The following KANK1 variants were observed in gnomAD, a reference collection of about 807,000 sequenced individuals.
KANK1 encodes the protein KN motif and ankyrin repeat domain-containing protein 1.
KANK1 carries 109 observed loss-of-function variants against 106.2 expected under a neutral mutation model. The observed-to-expected ratio is 1.03, with a 90% CI of 0.88 to 1.20. KANK1 has a LOEUF of 1.20. Among genes scored for constraint, KANK1 ranks in the 50% most tolerant of loss-of-function variants. The probability of loss-of-function intolerance (pLI) is 0.00; values close to 1 mark genes in which losing one functional copy is unlikely to be tolerated. For synonymous variants in KANK1, 873 were observed against 652.2 expected, an observed-to-expected ratio of 1.34 and a Z score of -5.16; for missense variants, 2,399 against 1,710.7, an observed-to-expected ratio of 1.40 and a Z score of -7.10.
chr9:504,822 C>G (rs1207823425), intron 1 of KANK1, 68 bp downstream of exon 1: 1 of 116,602 alleles, frequency 8.6e-6, no homozygotes, highest in Non-Finnish European at 1.8e-5. Flanking sequence ...CGCGAGGCCC[C>G]TACCCCTGCC....
At chr9:613,974 C>G (rs370469155) in intron 1 of KANK1, among the ~76,000 whole-genome samples, 1 of 152,266 alleles carries the variant, frequency 6.6e-6, no homozygotes, top group East Asian at 1.9e-4. Flanking sequence ...CTCCTCCCCT[C>G]TTATTTGAGG....
chr9:731,100 G>C, intron 4 of KANK1, 58 bp from the exon 5 acceptor site: 8 of 907,262 alleles, frequency 8.8e-6, no homozygotes, highest in South Asian at 1.6e-5. Flanking sequence ...CAGGAAAAAA[G>C]ATCATTTAAC....
At position 714,853 on chromosome 9, in the gene KANK1, A is replaced by G. The variant is rs368970584; in HGVS notation, c.2698+1389A>G. Among the ~76,000 whole-genome samples, 56 of 152,258 alleles carry G rather than the reference A, an allele frequency of 3.7e-4. 1 individual carries two copies. In the South Asian group the frequency reaches 0.011, roughly 29 times the overall value. ...TGTGCACTGCCTCTCACAGTGTATA[A>G]CATCATCCTCAGCTTAGGACCACAC... is the stretch of plus-strand genomic sequence containing the variant. On this transcript the variant is annotated intron_variant, in intron 3 of 11. Transcript: ENST00000382297.
At position 608,028 on chromosome 9, in the gene KANK1, A is replaced by ATTTTT. The variant is rs1326986665; in HGVS notation, c.-83-68860_-83-68859insTTTTT. 4.0e-3 allele frequency among the ~76,000 whole-genome samples: 336 copies of ATTTTT among 84,254 alleles called. 7 individuals are homozygous for ATTTTT. Among genetic ancestry groups the ATTTTT allele is most frequent in the African/African-American group, 0.011 (242 of 21,406 alleles). The allele number at this position is 84,254 out of a possible 152,430, so 55.3% of individuals were successfully genotyped here. ...AACTTTCAGAATTATTATTATTATT[A>ATTTTT]TTATTATTTTTTTTTTTTTTGAGAC... On this transcript the variant is annotated intron_variant, in intron 1 of 11. Coordinates refer to ENST00000382297, the MANE Select transcript of KANK1 (RefSeq NM_015158.5).
chr9:676,839 T>G, intron 1 of KANK1, 51 bp from the exon 2 acceptor site: 1 of 695,922 alleles, frequency 1.4e-6, no homozygotes, highest in Non-Finnish European at 2.6e-6. Flanking sequence ...AGATTTAGTT[T>G]GTACATTTTT....
At position 711,119 on chromosome 9, in the gene KANK1, T is replaced by A; in HGVS notation, c.353T>A (p.Ile118Asn). The change falls in exon 3 of 12, where the codon ATC becomes AAC. Residue 118 changes from isoleucine (I) to asparagine (N), a missense_variant. Physicochemically the swap from Ile to Asn is moderately radical, Grantham distance 149. Coordinates refer to ENST00000382297, the MANE Select transcript of KANK1 (RefSeq NM_015158.5). ...AGAAGTCAAGTTACATCAACTCCAATCTCAAAGCCACCTCCCCCTCTGGAG... is the reference window on the plus strand; with the variant it reads ...AGAAGTCAAGTTACATCAACTCCAAACTCAAAGCCACCTCCCCCTCTGGAG... ...IARSQVTSTPISKPPPPLETS... is the reference protein window; with the variant it reads ...IARSQVTSTPNSKPPPPLETS... 1.2e-6 allele frequency: 2 copies of A among 1,614,036 alleles called. No homozygotes were observed. Among genetic ancestry groups the A allele is most frequent in the Non-Finnish European group, 1.7e-6 (2 of 1,180,024 alleles).
At chr9:643,569 G>A (rs953825844) in intron 1 of KANK1, among the ~76,000 whole-genome samples, 1 of 112,614 alleles carries the variant, frequency 8.9e-6, no homozygotes, top group Non-Finnish European at 1.7e-5. Context: ...TTTTTTGGTA[G>A]TGATAGGGTC....
upstream of KANK1, among the ~76,000 whole-genome samples, chr9:500,566 C>G (rs1307331641): frequency 6.6e-6 from 1 of 152,132 alleles, no homozygotes; most frequent in African/African-American, 2.4e-5. Context: ...CAGAAAACAA[C>G]AAGTGAAACT....
intron 2 of KANK1, among the ~76,000 whole-genome samples, chr9:682,862 C>G (rs979543490): frequency 1.3e-5 from 2 of 152,194 alleles, no homozygotes; most frequent in African/African-American, 4.8e-5. Context: ...CCAGACAGAG[C>G]CAGGCTCATG....
chr9:637,246 A>G lies in KANK1; in HGVS notation c.-83-39644A>G, dbSNP rs146506798. Among the ~76,000 whole-genome samples the G allele has an allele frequency of 1.9e-3, 288 of 152,270 alleles. 1 individual carries two copies. The highest frequency in any genetic ancestry group is 2.9e-3 in the Non-Finnish European group (197 of 68,036). On this transcript the variant is annotated intron_variant, in intron 1 of 11. Transcript: ENST00000382297. ...ACACTACCAAGTAGTCTCATTATCTATTCACAATAATGATGTGAAAGCTTT... is the reference window on the plus strand; with the variant it reads ...ACACTACCAAGTAGTCTCATTATCTGTTCACAATAATGATGTGAAAGCTTT...
chr9:622,642 G>A lies in KANK1; in HGVS notation c.-83-54248G>A, dbSNP rs140918831. 5.9e-5 allele frequency among the ~76,000 whole-genome samples: 9 copies of A among 152,298 alleles called. 1 individual carries two copies. In the East Asian group the frequency reaches 1.5e-3, roughly 26 times the overall value. On this transcript the variant is annotated intron_variant, in intron 1 of 11. Transcript: ENST00000382297. Reference sequence around the variant, plus strand: ...TAAGAGGCCGGGTGCAGTGGCTCATGCCTGTAATCCCAGCACTTTGGGAGG... The same window carrying A: ...TAAGAGGCCGGGTGCAGTGGCTCATACCTGTAATCCCAGCACTTTGGGAGG...
chr9:501,235 C>G (rs1211376169), upstream of KANK1, among the ~76,000 whole-genome samples: 1 of 152,170 alleles, frequency 6.6e-6, no homozygotes, highest in Admixed American at 6.5e-5. Flanking sequence ...CTTTAAAACT[C>G]TTAAAAGTTC....
chr9:711,879 A>G lies in KANK1; in HGVS notation c.1113A>G (p.Thr371=), dbSNP rs1317662576. 6.2e-7 allele frequency: 1 copy of G among 1,614,102 alleles called. No individual in the cohort carries two copies. Among genetic ancestry groups the G allele is most frequent in the African/African-American group, 1.3e-5 (1 of 74,930 alleles). ...GGATAAAGGAGTTCCGGCAACTTAC[A>G]GCAGACATGCAAGCCCTGGAGCAGA... is the stretch of plus-strand genomic sequence containing the variant. ...TQRIKEFRQL[T]ADMQALEQKI... The change falls in exon 3 of 12, where the codon ACA becomes ACG. Residue 371 remains threonine (T), a synonymous_variant. Transcript: ENST00000382297.
At chr9:565,113 C>G (rs972848668) in intron 1 of KANK1, among the ~76,000 whole-genome samples, 1 of 152,192 alleles carries the variant, frequency 6.6e-6, no homozygotes, top group Non-Finnish European at 1.5e-5. Flanking sequence ...CTTTGCAAAT[C>G]CATACCTATA....
Position 491,920 on chromosome 9 carries a change from C to G in KANK1, c.-362+18647C>G, listed in dbSNP as rs115791806. Among the ~76,000 whole-genome samples, 993 of 152,336 alleles carry G rather than the reference C, an allele frequency of 6.5e-3. 14 individuals carry two copies. Among genetic ancestry groups the G allele is most frequent in the African/African-American group, 0.023 (938 of 41,572 alleles). On this transcript the variant is annotated intron_variant, in intron 3 of 15. Coordinates refer to the KANK1 transcript ENST00000382303. ...AAGCCCTCTCTTTGCCTGGTGCCAT[C>G]CAAGTAAGACGTGAGTTACTTCTCC... is the stretch of plus-strand genomic sequence containing the variant.
chr9:651,486 T>A (rs1840868273), intron 1 of KANK1, among the ~76,000 whole-genome samples: 1 of 152,204 alleles, frequency 6.6e-6, no homozygotes, highest in African/African-American at 2.4e-5. Flanking sequence ...AGCATCTGCA[T>A]GTGTTGGGTG....
At chr9:616,838 C>A (rs554128772) in intron 1 of KANK1, among the ~76,000 whole-genome samples, 6 of 152,302 alleles carry the variant, frequency 3.9e-5, no homozygotes, top group African/African-American at 1.2e-4. Context: ...AGGCAAAGTT[C>A]CACACTAGCC....
Position 711,591 on chromosome 9 carries a change from G to A in KANK1, c.825G>A (p.Lys275=), listed in dbSNP as rs1330986190. The change falls in exon 3 of 12, where the codon AAG becomes AAA. Residue 275 remains lysine (K), a synonymous_variant. Coordinates refer to ENST00000382297, the MANE Select transcript of KANK1 (RefSeq NM_015158.5). ...TGGCCATTGCTCTGAAACGCCTGAA[G>A]GAGCTGGAGGAGCAGGTGCGAACCA... ...EQMAIALKRL[K]ELEEQVRTIP... The A allele has an allele frequency of 1.9e-6, 3 of 1,614,156 alleles. No homozygotes were observed. Among genetic ancestry groups the A allele is most frequent in the Non-Finnish European group, 2.5e-6 (3 of 1,180,020 alleles).
At chr9:564,223 C>G (rs982787338) in intron 1 of KANK1, among the ~76,000 whole-genome samples, 2 of 151,980 alleles carry the variant, frequency 1.3e-5, no homozygotes, top group African/African-American at 4.8e-5. Flanking sequence ...CCACGCCCGG[C>G]TAATTTTTTT....
Sources: allele counts gnomAD v4.1 joint callset (sites outside exome capture counted in the v4.1 genomes callset), GRCh38; gene constraint gnomAD v4.1.1; transcripts MANE v1.5; gene names NCBI Gene and HGNC (gene_info 2026-07-23, HGNC 2026-07-21).